Variants in AGAP1 observed in about 807,000 individuals in gnomAD.
AGAP1 encodes the protein ArfGAP with GTPase domain, ankyrin repeat and PH domain 1, also known as arf-GAP with GTPase, ANK repeat and PH domain-containing protein 1.
Under a neutral mutation model 105.3 loss-of-function variants are expected in AGAP1, and 29 were observed. The ratio of observed to expected loss-of-function variants is 0.28; its 90% confidence interval spans 0.21 to 0.38. AGAP1 has a LOEUF of 0.38. Among genes scored for constraint, AGAP1 ranks in the 10% least tolerant of loss-of-function variants. AGAP1 has a pLI of 1.00. For synonymous variants in AGAP1, 509 were observed against 485.9 expected (o/e 1.05, Z -0.63); for missense variants, 998 against 1,165.1 (o/e 0.86, Z 2.09).
At chr2:235,759,320 C>A (rs1202831071) in intron 6 of AGAP1, among the ~76,000 whole-genome samples, 1 of 151,992 alleles carries the variant, frequency 6.6e-6, no homozygotes, top group Non-Finnish European at 1.5e-5. Flanking sequence ...AGGCGCCTGC[C>A]ACCACGCCCG....
chr2:235,717,130 T>C (rs1951152698), intron 2 of AGAP1, among the ~76,000 whole-genome samples: 1 of 152,110 alleles, frequency 6.6e-6, no homozygotes, highest in Non-Finnish European at 1.5e-5. Flanking sequence ...CCCCTAAAGA[T>C]GCTACCATGC....
chr2:235,965,089 G>A lies in AGAP1; in HGVS notation c.1484-3373G>A, dbSNP rs887470220. Among the ~76,000 whole-genome samples the A allele has an allele frequency of 6.6e-6, 1 of 152,248 alleles. No homozygotes were observed. The highest frequency in any genetic ancestry group is 6.5e-5 in the Admixed American group (1 of 15,284). On this transcript the variant is annotated intron_variant, in intron 12 of 17. Coordinates refer to ENST00000304032, the MANE Select transcript of AGAP1 (RefSeq NM_001037131.3). The surrounding 1 kb of genome is among the most constrained non-coding windows in gnomAD (Gnocchi z 5.8). ...ACCTCGGGTACAGTTAACCAAGGAG[G>A]TTTACCAGATGTCCACCGTGGAAAG...
At position 235,901,651 on chromosome 2, in the gene AGAP1, C is replaced by T. The variant is rs999975671; in HGVS notation, c.1156-7087C>T. On this transcript the variant is annotated intron_variant, in intron 10 of 17. Coordinates refer to ENST00000304032, the MANE Select transcript of AGAP1 (RefSeq NM_001037131.3). The surrounding 1 kb of genome is among the most constrained non-coding windows in gnomAD (Gnocchi z 4.3). ...ATCCCAGCACTTTGGGAGGCCAAGG[C>T]GGGTGGGTCACCTGAAGTCAGAAGT... Among the ~76,000 whole-genome samples, 5 of 152,108 alleles carry T rather than the reference C, an allele frequency of 3.3e-5. No individual in the cohort carries two copies. The highest frequency in any genetic ancestry group is 2.9e-5 in the Non-Finnish European group (2 of 68,018).
chr2:235,968,439 T>G, intron 12 of AGAP1, 23 bp from the exon 13 acceptor site: 2 of 1,478,454 alleles, frequency 1.4e-6, no homozygotes, highest in South Asian at 1.5e-5. Context: ...TTTTTTTTTT[T>G]GCCTTTTCCG....
chr2:235,672,557 G>T (rs899194996), intron 1 of AGAP1, among the ~76,000 whole-genome samples: 1 of 152,214 alleles, frequency 6.6e-6, no homozygotes, highest in African/African-American at 2.4e-5. Context: ...AACATGATGC[G>T]TGTTATTTTG....
intron 9 of AGAP1, among the ~76,000 whole-genome samples, chr2:235,880,815 T>C (rs778971253): frequency 6.6e-6 from 1 of 152,136 alleles, no homozygotes; most frequent in Non-Finnish European, 1.5e-5. Flanking sequence ...GGAATCCCAC[T>C]GAAGAGGGGT....
chr2:236,037,787 T>A (rs1361390926), intron 14 of AGAP1, among the ~76,000 whole-genome samples: 1 of 152,192 alleles, frequency 6.6e-6, no homozygotes, highest in Non-Finnish European at 1.5e-5. Context: ...TGCTTCAGTT[T>A]CATTATTTTA....
chr2:235,726,411 A>T (rs1014963517), intron 3 of AGAP1, among the ~76,000 whole-genome samples: 1 of 152,250 alleles, frequency 6.6e-6, no homozygotes, highest in African/African-American at 2.4e-5. Context: ...AATGGAGACT[A>T]GAGCCTAGAA....
rs902137062 is a variant in AGAP1, at chr2:235,842,622, C to T, written c.1050+35291C>T. 6.6e-6 allele frequency among the ~76,000 whole-genome samples: 1 copy of T among 152,118 alleles called. No individual in the cohort carries two copies. Among genetic ancestry groups the T allele is most frequent in the Non-Finnish European group, 1.5e-5 (1 of 68,018 alleles). ...TTGAGAAGGGATCCTTTGGGACGTG[C>T]CAAAAAAGACCCACCTGTAGCAAGC... is the stretch of plus-strand genomic sequence containing the variant. On this transcript the variant is annotated intron_variant, in intron 9 of 17. Transcript: ENST00000304032. This position sits in a 1 kb window ranked among gnomAD's most constrained non-coding sequence, Gnocchi z 5.3.
At position 235,875,851 on chromosome 2, in the gene AGAP1, G is replaced by A. The variant is rs764181095; in HGVS notation, c.1051-7494G>A. On this transcript the variant is annotated intron_variant, in intron 9 of 17. Coordinates refer to ENST00000304032, the MANE Select transcript of AGAP1 (RefSeq NM_001037131.3). This position sits in a 1 kb window ranked among gnomAD's most constrained non-coding sequence, Gnocchi z 4.0. ...CCAAAATACATTATAATTGCACTAGGGACTTCTAAATTTTTATTCAATGGG... is the reference window on the plus strand; with the variant it reads ...CCAAAATACATTATAATTGCACTAGAGACTTCTAAATTTTTATTCAATGGG... Among the ~76,000 whole-genome samples, 5 of 152,140 alleles carry A rather than the reference G, an allele frequency of 3.3e-5. No individual in the cohort carries two copies. The highest frequency in any genetic ancestry group is 2.1e-4 in the South Asian group (1 of 4,808).
chr2:236,043,112 G>C (rs1282971523), intron 15 of AGAP1, among the ~76,000 whole-genome samples: 1 of 152,250 alleles, frequency 6.6e-6, no homozygotes, highest in Non-Finnish European at 1.5e-5. Context: ...GCAAGGATTT[G>C]TTAAGTAAAA....
At chr2:236,022,627 A>G (rs1474551074) in intron 13 of AGAP1, among the ~76,000 whole-genome samples, 1 of 152,064 alleles carries the variant, frequency 6.6e-6, no homozygotes, top group Admixed American at 6.6e-5. Flanking sequence ...CTCCACCTCC[A>G]GGGTTCAAGT....
intron 1 of AGAP1, among the ~76,000 whole-genome samples, chr2:235,702,338 G>A (rs1290758385): frequency 6.6e-6 from 1 of 152,196 alleles, no homozygotes; most frequent in Non-Finnish European, 1.5e-5. Flanking sequence ...TGAAGAATGT[G>A]GGGGAGCCTT....
intron 9 of AGAP1, among the ~76,000 whole-genome samples, chr2:235,816,081 G>A (rs1958434641): frequency 6.6e-6 from 1 of 152,192 alleles, no homozygotes; most frequent in South Asian, 2.1e-4. Flanking sequence ...TGGCTGTGGT[G>A]TTTTGTGTTT....
chr2:235,616,604 A>G (rs1011903431), intron 1 of AGAP1, among the ~76,000 whole-genome samples: 20 of 152,180 alleles, frequency 1.3e-4, no homozygotes, highest in Non-Finnish European at 2.5e-4. Context: ...TAGATTGATT[A>G]AACTCGTTAA....
chr2:236,059,418 T>C (rs946032773), intron 16 of AGAP1, among the ~76,000 whole-genome samples: 1 of 152,010 alleles, frequency 6.6e-6, no homozygotes, highest in Non-Finnish European at 1.5e-5. Context: ...CAAAATCACT[T>C]TCAGAATCTC....
chr2:236,031,694 A>G (rs2057229236), intron 13 of AGAP1, among the ~76,000 whole-genome samples: 1 of 152,180 alleles, frequency 6.6e-6, no homozygotes, highest in African/African-American at 2.4e-5. Flanking sequence ...TGAGGGGGAC[A>G]GAATCTTCCA....
intron 9 of AGAP1, among the ~76,000 whole-genome samples, chr2:235,814,547 G>A (rs1158414313): frequency 1.3e-5 from 2 of 152,114 alleles, no homozygotes; most frequent in Non-Finnish European, 2.9e-5. Context: ...CCTCTGCTAC[G>A]GCTGGAGGAG....
At chr2:235,804,491 C>A (rs958717128) in intron 8 of AGAP1, among the ~76,000 whole-genome samples, 2 of 152,154 alleles carry the variant, frequency 1.3e-5, no homozygotes, top group Non-Finnish European at 2.9e-5. Context: ...CTGGGTACCT[C>A]CCCTAGTGTG....
Sources: allele counts gnomAD v4.1 joint callset (sites outside exome capture counted in the v4.1 genomes callset), GRCh38; gene constraint gnomAD v4.1.1; non-coding constraint Gnocchi (gnomAD v3.1); transcripts MANE v1.5; gene names NCBI Gene and HGNC (gene_info 2026-07-23, HGNC 2026-07-21).